The following CCSER1 variants were observed in gnomAD, a reference collection of about 807,000 sequenced individuals.
The protein encoded by CCSER1 is coiled-coil serine rich protein 1, also known as serine-rich coiled-coil domain-containing protein 1.
CCSER1 carries 41 observed loss-of-function variants against 82.0 expected under a neutral mutation model. That is an observed-to-expected ratio of 0.50 (90% CI 0.39 to 0.65). The LOEUF (loss-of-function observed/expected upper bound fraction) is 0.65. Ranked by LOEUF, CCSER1 falls within the 30% of genes least tolerant of loss-of-function variation. CCSER1 has a pLI of 0.00. For synonymous variants in CCSER1, 414 were observed against 383.9 expected (o/e 1.08, Z -0.92); for missense variants, 1,119 against 1,064.2 (o/e 1.05, Z -0.72).
At chr4:91,515,900 A>G (rs1438570806) in intron 10 of CCSER1, among the ~76,000 whole-genome samples, 1 of 145,882 alleles carries the variant, frequency 6.9e-6, no homozygotes, top group Non-Finnish European at 1.5e-5. Context: ...AATAATAGCC[A>G]TTCTAACTCA....
chr4:91,374,095 T>C (rs1220139685), intron 10 of CCSER1, among the ~76,000 whole-genome samples: 1 of 152,094 alleles, frequency 6.6e-6, no homozygotes, highest in East Asian at 1.9e-4. Context: ...AAAGACACCA[T>C]CTTCATAACA....
intron 10 of CCSER1, among the ~76,000 whole-genome samples, chr4:91,446,693 A>AT: frequency 6.9e-6 from 1 of 144,276 alleles, no homozygotes. Context: ...ATATATATAT[A>AT]ATAGTCCTGC....
intron 10 of CCSER1, among the ~76,000 whole-genome samples, chr4:91,252,297 T>C (rs1740315565): frequency 6.6e-6 from 1 of 152,130 alleles, no homozygotes; most frequent in South Asian, 2.1e-4. Flanking sequence ...AGGGAGTTTC[T>C]TATCACTATA....
Position 90,138,699 on chromosome 4 carries a change from C to CT in CCSER1, c.-42+10880dup, listed in dbSNP as rs373525394. On this transcript the variant is annotated intron_variant, in intron 1 of 10. Coordinates refer to ENST00000509176, the MANE Select transcript of CCSER1 (RefSeq NM_001145065.2). ...ATCCTGAACACCTACTCCATGTTCA[C>CT]TTTTTTTTTTTTAATTATTTTACTT... Among the ~76,000 whole-genome samples the CT allele has an allele frequency of 2.6e-3, 384 of 145,410 alleles. 2 individuals carry two copies. Among genetic ancestry groups the CT allele is most frequent in the African/African-American group, 6.5e-3 (259 of 39,846 alleles).
intron 10 of CCSER1, among the ~76,000 whole-genome samples, chr4:91,108,709 CATTT>C (rs1473117159): frequency 1.3e-5 from 2 of 152,134 alleles, no homozygotes; most frequent in Non-Finnish European, 2.9e-5. Flanking sequence ...TTTCTTTATT[CATTT>C]CTTGCTTCCA....
At chr4:90,256,294 A>G (rs1723272570) in intron 1 of CCSER1, among the ~76,000 whole-genome samples, 1 of 152,146 alleles carries the variant, frequency 6.6e-6, no homozygotes, top group Non-Finnish European at 1.5e-5. Flanking sequence ...GATTAAGATG[A>G]AGAGGATATA....
chr4:90,750,492 A>G (rs1388673200), intron 7 of CCSER1, among the ~76,000 whole-genome samples: 1 of 152,076 alleles, frequency 6.6e-6, no homozygotes, highest in Non-Finnish European at 1.5e-5. Flanking sequence ...AAGGAGGTAC[A>G]CTGCTGGCTC....
rs929076138 is a variant in CCSER1, at chr4:90,542,934, C to A, written c.1724+74580C>A. 2.6e-5 allele frequency among the ~76,000 whole-genome samples: 4 copies of A among 152,016 alleles called. No individual in the cohort carries two copies. The East Asian group carries it at 5.8e-4, about 22-fold the overall frequency. On this transcript the variant is annotated intron_variant, in intron 5 of 10. Transcript: ENST00000509176. ...AAGGAATTTACTAAAATTATTTGCT[C>A]TTTAAAAAGTTATGCTTATGTATTA...
chr4:91,053,556 T>A (rs1178617794), intron 9 of CCSER1, among the ~76,000 whole-genome samples: 5 of 152,198 alleles, frequency 3.3e-5, no homozygotes, highest in Non-Finnish European at 2.9e-5. Flanking sequence ...CAATCCTATG[T>A]TCACAGACCT....
At chr4:90,239,707 G>C (rs1300608185) in intron 1 of CCSER1, among the ~76,000 whole-genome samples, 1 of 151,948 alleles carries the variant, frequency 6.6e-6, no homozygotes, top group Admixed American at 6.6e-5. Flanking sequence ...TCGAACGCCT[G>C]GTCTCAAGTG....
At chr4:91,512,663 T>C (rs1247467542) in intron 10 of CCSER1, among the ~76,000 whole-genome samples, 2 of 152,206 alleles carry the variant, frequency 1.3e-5, no homozygotes, top group African/African-American at 4.8e-5. Flanking sequence ...GAACACTGAC[T>C]AATACAAGAT....
At chr4:91,224,027 T>A (rs1355615270) in intron 10 of CCSER1, among the ~76,000 whole-genome samples, 4 of 151,070 alleles carry the variant, frequency 2.6e-5, no homozygotes, top group Non-Finnish European at 5.9e-5. Context: ...AAGGCTTAAA[T>A]TCAGGCACTT....
At chr4:90,501,438 G>T (rs1769864992) in intron 5 of CCSER1, among the ~76,000 whole-genome samples, 2 of 152,088 alleles carry the variant, frequency 1.3e-5, no homozygotes, top group African/African-American at 4.8e-5. Flanking sequence ...AGTAAATTGT[G>T]TCCTTTGACT....
intron 5 of CCSER1, among the ~76,000 whole-genome samples, chr4:90,469,381 A>G (rs1764049572): frequency 6.6e-6 from 1 of 152,126 alleles, no homozygotes; most frequent in Non-Finnish European, 1.5e-5. Context: ...TTCAGTTTTA[A>G]TACAATCTAA....
intron 5 of CCSER1, among the ~76,000 whole-genome samples, chr4:90,626,734 A>C (rs1186333309): frequency 6.6e-6 from 1 of 152,138 alleles, no homozygotes; most frequent in Non-Finnish European, 1.5e-5. Context: ...AAATCACCCC[A>C]CTGGGAAATG....
chr4:90,929,311 AAACATACAGG>A lies in CCSER1; in HGVS notation c.2172+5865_2172+5874del, dbSNP rs1335823284. ...ATTAATATGCATTGTTTCATTCACAAAACATACAGGTATGGATATTGCTATATACTATATT... is the reference window on the plus strand; with the variant it reads ...ATTAATATGCATTGTTTCATTCACAATATGGATATTGCTATATACTATATT... On this transcript the variant is annotated intron_variant, in intron 9 of 10. Coordinates refer to ENST00000509176, the MANE Select transcript of CCSER1 (RefSeq NM_001145065.2). Among the ~76,000 whole-genome samples the A allele has an allele frequency of 4.6e-5, 7 of 152,302 alleles. No individual in the cohort carries two copies. In the South Asian group the frequency reaches 6.2e-4, roughly 14 times the overall value.
At chr4:90,927,925 G>A (rs1441788785) in intron 9 of CCSER1, among the ~76,000 whole-genome samples, 1 of 151,976 alleles carries the variant, frequency 6.6e-6, no homozygotes, top group Non-Finnish European at 1.5e-5. Flanking sequence ...ATTAAGCCCT[G>A]TTCTAAGAAT....
intron 8 of CCSER1, among the ~76,000 whole-genome samples, chr4:90,875,535 C>G (rs1767088438): frequency 6.6e-6 from 1 of 152,088 alleles, no homozygotes; most frequent in Non-Finnish European, 1.5e-5. Flanking sequence ...TCTTTTAAAA[C>G]CTGAAGTCCA....
chr4:90,264,288 C>G (rs1724857612), intron 1 of CCSER1, among the ~76,000 whole-genome samples: 1 of 152,066 alleles, frequency 6.6e-6, no homozygotes. Flanking sequence ...GAATCTTGCA[C>G]TTTTTACATG....
Sources: gnomAD v4.1 joint callset for allele counts (sites outside exome capture counted in the v4.1 genomes callset) on GRCh38, gnomAD v4.1.1 for gene constraint, MANE v1.5 for transcripts, NCBI Gene and HGNC (gene_info 2026-07-23, HGNC 2026-07-21) for gene names.